PRDX1: variants seen among roughly 807,000 people sequenced by gnomAD.
PRDX1 encodes peroxiredoxin-1.
A neutral mutation model predicts 20.7 loss-of-function variants in PRDX1; 19 were observed. That is an observed-to-expected ratio of 0.92 (90% CI 0.64 to 1.35). The LOEUF (loss-of-function observed/expected upper bound fraction) is 1.35, where lower values mean the gene tolerates loss of function less well. Ranked by LOEUF, PRDX1 falls within the 40% of genes most tolerant of loss-of-function variation. The probability of loss-of-function intolerance (pLI) is 0.00; values close to 1 mark genes in which losing one functional copy is unlikely to be tolerated. For synonymous variants in PRDX1, 89 were observed against 83.9 expected (o/e 1.06, Z -0.33); for missense variants, 226 against 240.0 (o/e 0.94, Z 0.38).
intron 5 of PRDX1, 116 bp from the exon 6 acceptor site, chr1:45,511,530 G>GC: frequency 2.7e-6 from 2 of 739,160 alleles, no homozygotes; most frequent in Non-Finnish European, 2.3e-6. Context: ...ACCTACCCCT[G>GC]CAATCAGTCT....
chr1:45,511,523 T>C (rs1643744952), intron 5 of PRDX1, 109 bp from the exon 6 acceptor site: 2 of 800,838 alleles, frequency 2.5e-6, no homozygotes, highest in South Asian at 3.7e-5. Flanking sequence ...CCAGGAAACC[T>C]ACCCCTGCAA....
At chr1:45,513,658 A>T (rs896930936) in intron 5 of PRDX1, among the ~76,000 whole-genome samples, 1 of 152,222 alleles carries the variant, frequency 6.6e-6, no homozygotes, top group African/African-American at 2.4e-5. Context: ...GTGCTCCCTG[A>T]AACATGTGCT....
intron 1 of PRDX1, 81 bp from the exon 2 acceptor site, chr1:45,519,135 G>T (rs1643887069): frequency 1.0e-6 from 1 of 955,548 alleles, no homozygotes; most frequent in Non-Finnish European, 1.6e-6. Flanking sequence ...AAGAGACTTA[G>T]CTGTAAACAA....
Position 45,514,641 on chromosome 1 carries a change from G to A in PRDX1, c.384-4C>T. On this transcript the variant is annotated splice_polypyrimidine_tract_variant and splice_region_variant and intron_variant, in intron 4 of 5. Coordinates refer to ENST00000319248, the MANE Select transcript of PRDX1 (RefSeq NM_181697.3). The stretch of plus-strand genomic sequence containing the variant: ...ATCATCAATGATAAAAAGGCCCCTG[G>A]GAAAAGAGATGAAAGGAAAAGCAAT... The A allele has an allele frequency of 1.9e-6, 3 of 1,613,640 alleles. No homozygotes were observed. The South Asian group carries it at 3.3e-5, about 18-fold the overall frequency.
At chr1:45,512,651 C>T (rs1220982089) in intron 5 of PRDX1, 1 of 152,038 alleles carries the variant, frequency 6.6e-6, no homozygotes, top group Non-Finnish European at 1.5e-5. Flanking sequence ...AAGCAAGCTT[C>T]TGAGTTATGA....
chr1:45,514,291 G>T (rs933080106), intron 5 of PRDX1, among the ~76,000 whole-genome samples: 3 of 152,108 alleles, frequency 2.0e-5, no homozygotes, highest in African/African-American at 7.2e-5. Flanking sequence ...ACCCAAGAAT[G>T]ATCAATAAAT....
At chr1:45,515,082 C>G (rs1197227300) in intron 3 of PRDX1, 87 bp from the exon 4 acceptor site, 11 of 1,539,882 alleles carry the variant, frequency 7.1e-6, no homozygotes, top group Admixed American at 6.1e-5. Context: ...TATTCCTAAT[C>G]TAACTTTCCA....
intron 3 of PRDX1, 114 bp from the exon 4 acceptor site, chr1:45,515,109 T>C (rs1643834499): frequency 3.4e-6 from 5 of 1,458,702 alleles, no homozygotes; most frequent in Non-Finnish European, 4.7e-6. Flanking sequence ...CTGTTTTTTT[T>C]CCGTTTTCCA....
At chr1:45,512,623 G>C (rs909879639) in intron 5 of PRDX1, 3 of 152,000 alleles carry the variant, frequency 2.0e-5, no homozygotes, top group Admixed American at 6.5e-5. Context: ...AAGCAGCAGA[G>C]ACCAACAGAG....
upstream of PRDX1, among the ~76,000 whole-genome samples, chr1:45,522,467 T>G (rs1643923067): frequency 6.6e-6 from 1 of 152,130 alleles, no homozygotes; most frequent in South Asian, 2.1e-4. Context: ...CTTGGGAGGC[T>G]GATTCAGTTA....
intron 5 of PRDX1, chr1:45,512,007 C>T (rs1170801132): frequency 1.3e-5 from 2 of 151,562 alleles, no homozygotes; most frequent in African/African-American, 4.9e-5. Context: ...CTGACAATGC[C>T]TAAGAATGTG....
chr1:45,513,363 T>TA (rs1643792499), intron 5 of PRDX1: 1 of 152,202 alleles, frequency 6.6e-6, no homozygotes, highest in South Asian at 2.1e-4. Flanking sequence ...ATACTTTGAA[T>TA]AAAAAGCCTT....
chr1:45,515,834 A>G, intron 2 of PRDX1, 27 bp from the exon 3 acceptor site: 1 of 1,535,014 alleles, frequency 6.5e-7, no homozygotes, highest in Admixed American at 2.3e-5. Context: ...AGTCATGGTT[A>G]GCATTTGACA....
intron 2 of PRDX1, among the ~76,000 whole-genome samples, chr1:45,517,000 G>A (rs1296752203): frequency 2.2e-5 from 3 of 133,400 alleles, no homozygotes; most frequent in Non-Finnish European, 3.1e-5. Flanking sequence ...CAGCCTGTGC[G>A]ACAAGATCAA....
rs1262420296 is a variant in PRDX1, at chr1:45,511,131, A to G, written c.*198T>C. The G allele has an allele frequency of 3.8e-6, 2 of 521,738 alleles. No homozygotes were observed. Among genetic ancestry groups the G allele is most frequent in the Non-Finnish European group, 6.8e-6 (2 of 295,310 alleles). The allele number at this position is 521,738 out of a possible 1,614,324, so 32.3% of individuals were successfully genotyped here. Reference sequence around the variant, plus strand: ...CATCATACAAACCAGTAGCCTGCCCACAACGCCAACTCAGGCCATTCCTAC... The same window carrying G: ...CATCATACAAACCAGTAGCCTGCCCGCAACGCCAACTCAGGCCATTCCTAC... On this transcript the variant is annotated 3_prime_UTR_variant, in exon 6 of 6. Coordinates refer to ENST00000319248, the MANE Select transcript of PRDX1 (RefSeq NM_181697.3).
chr1:45,513,771 C>T (rs1349125501), intron 5 of PRDX1, among the ~76,000 whole-genome samples: 1 of 152,202 alleles, frequency 6.6e-6, no homozygotes, highest in African/African-American at 2.4e-5. Context: ...TCACCACTCC[C>T]TAATCTCAAG....
intron 5 of PRDX1, among the ~76,000 whole-genome samples, chr1:45,514,282 C>T (rs1318561403): frequency 6.6e-6 from 1 of 152,154 alleles, no homozygotes; most frequent in Non-Finnish European, 1.5e-5. Context: ...CCGAGAAACA[C>T]CCAAGAATGA....
rs779079353 is a variant in PRDX1 at position 45,514,999 on chromosome 1, T to A, written c.261-4A>T. The A allele has an allele frequency of 6.2e-7, 1 of 1,613,906 alleles. No individual in the cohort carries two copies. The highest frequency in any genetic ancestry group is 1.1e-5 in the South Asian group (1 of 91,026). ...TTGTTTCTTAGGTGTATTGACCCTA[T>A]GGCAAAAGGCAAACATACAGTTACA... On this transcript the variant is annotated splice_polypyrimidine_tract_variant and splice_region_variant and intron_variant, in intron 3 of 5. Transcript: ENST00000319248.
chr1:45,518,970 T>C lies in PRDX1; in HGVS notation c.74A>G (p.Gln25Arg). The change falls in exon 2 of 6, where the codon CAG (glutamine) becomes CGG (arginine). Residue 25 changes from glutamine to arginine, a missense_variant. By Grantham distance (43) the Gln-to-Arg change is conservative. Transcript: ENST00000319248. The part of the protein sequence containing the change: ...FKATAVMPDG[Q>R]FKDISLSDYK... ...GTCAGACAGGCTGATATCTTTAAAC[T>C]GACCATCTGGCATAACAGCTGTGGC... The C allele has an allele frequency of 6.2e-7, 1 of 1,605,810 alleles. No homozygotes were observed. Among genetic ancestry groups the C allele is most frequent in the Non-Finnish European group, 8.5e-7 (1 of 1,176,964 alleles).
Sources: gnomAD v4.1 joint callset for allele counts (sites outside exome capture counted in the v4.1 genomes callset) on GRCh38, gnomAD v4.1.1 for gene constraint, MANE v1.5 for transcripts, NCBI Gene and HGNC (gene_info 2026-07-23, HGNC 2026-07-21) for gene names.